The following CDC73 variants were observed in gnomAD, a reference collection of about 807,000 sequenced individuals.
The protein encoded by CDC73 is parafibromin.
CDC73 carries 21 observed loss-of-function variants against 83.7 expected under a neutral mutation model. The observed-to-expected ratio is 0.25, with a 90% CI of 0.18 to 0.36. CDC73 has a LOEUF of 0.36. Ranked by LOEUF, CDC73 falls within the 10% of genes least tolerant of loss-of-function variation. The probability of loss-of-function intolerance (pLI) is 1.00; values close to 1 mark genes in which losing one functional copy is unlikely to be tolerated. For synonymous variants in CDC73, 224 were observed against 212.9 expected (o/e 1.05, Z -0.45); for missense variants, 342 against 653.3 (o/e 0.52, Z 5.19).
intron 3 of CDC73, among the ~76,000 whole-genome samples, chr1:193,134,250 T>C (rs1675747607): frequency 6.6e-6 from 1 of 152,104 alleles, no homozygotes; most frequent in Non-Finnish European, 1.5e-5. Context: ...TGTGACTTTA[T>C]ATTAATATAT....
chr1:193,178,649 G>A (rs1676653693), intron 10 of CDC73, among the ~76,000 whole-genome samples: 2 of 152,226 alleles, frequency 1.3e-5, no homozygotes, highest in East Asian at 3.9e-4. Context: ...AGTAATTCTG[G>A]TATTTCTGTA....
At chr1:193,191,308 A>G (rs1676914049) in intron 10 of CDC73, among the ~76,000 whole-genome samples, 1 of 152,230 alleles carries the variant, frequency 6.6e-6, no homozygotes, top group Non-Finnish European at 1.5e-5. Flanking sequence ...ATGTATAGGT[A>G]TTAGCATCTG....
At chr1:193,180,265 A>C (rs372729200) in intron 10 of CDC73, 16 of 1,521,948 alleles carry the variant, frequency 1.1e-5, no homozygotes, top group Non-Finnish European at 1.4e-5. Flanking sequence ...ATATTTACAA[A>C]TTGCACATTT....
At chr1:193,151,199 A>G (rs187234560) in intron 9 of CDC73, among the ~76,000 whole-genome samples, 6 of 152,352 alleles carry the variant, frequency 3.9e-5, no homozygotes, top group Admixed American at 6.5e-5. Context: ...CTGGAAGTTA[A>G]TGATATTTTT....
intron 3 of CDC73, among the ~76,000 whole-genome samples, chr1:193,132,626 T>G (rs1675715558): frequency 6.6e-6 from 1 of 152,014 alleles, no homozygotes; most frequent in Admixed American, 6.5e-5. Flanking sequence ...TTTTTTTTTT[T>G]TAATCAAAGC....
intron 5 of CDC73, chr1:193,136,448 GCT>G: frequency 3.9e-6 from 1 of 257,762 alleles, no homozygotes; most frequent in Non-Finnish European, 8.9e-6. Context: ...CATTGTTATT[GCT>G]CTATGCTATG....
chr1:193,254,354 C>T lies in CDC73; in HGVS notation c.*3642C>T, dbSNP rs1034946952. On this transcript the variant is annotated 3_prime_UTR_variant, in exon 17 of 17. Coordinates refer to ENST00000367435, the MANE Select transcript of CDC73 (RefSeq NM_024529.5). ...CAACATGAAAATTTAATTACATTAG[C>T]CTTAATATTACTTGACTGAATTTCT... Among the ~76,000 whole-genome samples, 2 of 151,938 alleles carry T rather than the reference C, an allele frequency of 1.3e-5. No individual in the cohort carries two copies. The highest frequency in any genetic ancestry group is 1.3e-4 in the Admixed American group (2 of 15,258).
intron 13 of CDC73, among the ~76,000 whole-genome samples, chr1:193,224,203 A>G (rs1677521071): frequency 6.6e-6 from 1 of 151,068 alleles, no homozygotes; most frequent in Non-Finnish European, 1.5e-5. Context: ...CATGAGATTT[A>G]CTGTTTACTT....
chr1:193,252,728 A>G lies in CDC73; in HGVS notation c.*2016A>G, dbSNP rs1417465088. ...AGGTCCATGTAATTAATTTCATTCC[A>G]TTATTTTTTAGCTGTTTATTCTAAA... On this transcript the variant is annotated 3_prime_UTR_variant, in exon 17 of 17. Transcript: ENST00000367435. 1.7e-5 allele frequency: 4 copies of G among 231,470 alleles called. No homozygotes were observed. The highest frequency in any genetic ancestry group is 3.4e-5 in the Non-Finnish European group (4 of 117,018). The allele number at this position is 231,470 out of a possible 1,614,324, so 14.3% of individuals were successfully genotyped here. A position where few individuals can be genotyped will look rare whatever the true frequency, so the allele number is the denominator to read the frequency against.
chr1:193,140,238 A>G lies in CDC73; in HGVS notation c.513-1612A>G, dbSNP rs559044519. On this transcript the variant is annotated intron_variant, in intron 6 of 16. Transcript: ENST00000367435. ...TGTCCTTCATTGCTTGATATCTAGC[A>G]TCTAGTAAACCATTGTTTTATGTAT... Among the ~76,000 whole-genome samples, 5 of 152,228 alleles carry G rather than the reference A, an allele frequency of 3.3e-5. No homozygotes were observed. The East Asian group carries it at 9.6e-4, about 29-fold the overall frequency.
intron 13 of CDC73, among the ~76,000 whole-genome samples, chr1:193,216,745 C>A (rs1344081846): frequency 1.3e-5 from 2 of 152,102 alleles, no homozygotes; most frequent in Non-Finnish European, 2.9e-5. Flanking sequence ...AACTAAAACA[C>A]CCTCATCAAA....
In CDC73 at chr1:193,215,226, T is replaced by C. The variant is rs1572204122; in HGVS notation, c.1154+2749T>C. Among the ~76,000 whole-genome samples, 3 of 152,360 alleles carry C rather than the reference T, an allele frequency of 2.0e-5. No homozygotes were observed. The South Asian group carries it at 6.2e-4, about 32-fold the overall frequency. ...TAGCTTCTCTCAAATTATGTGCTGT[T>C]AGTGAGAATGTATATAATAGTGATT... On this transcript the variant is annotated intron_variant, in intron 13 of 16. Transcript: ENST00000367435.
chr1:193,217,051 C>G (rs1677380247), intron 13 of CDC73, among the ~76,000 whole-genome samples: 1 of 152,156 alleles, frequency 6.6e-6, no homozygotes, highest in African/African-American at 2.4e-5. Context: ...TCCACTCTCA[C>G]CACCCCTATT....
chr1:193,137,875 A>T (rs1336912352), intron 5 of CDC73, among the ~76,000 whole-genome samples: 1 of 152,234 alleles, frequency 6.6e-6, no homozygotes, highest in African/African-American at 2.4e-5. Context: ...GTTTTTCCTA[A>T]GCTTTTCGAT....
intron 1 of CDC73, among the ~76,000 whole-genome samples, chr1:193,123,536 GT>G (rs1322492631): frequency 6.6e-6 from 1 of 152,132 alleles, no homozygotes; most frequent in Non-Finnish European, 1.5e-5. Context: ...CTATTGGTTG[GT>G]TTTAAAATTT....
intron 6 of CDC73, among the ~76,000 whole-genome samples, chr1:193,139,468 C>T (rs1675864109): frequency 6.6e-6 from 1 of 152,070 alleles, no homozygotes; most frequent in Non-Finnish European, 1.5e-5. Context: ...AAAAAACATA[C>T]CTACTTCATC....
intron 10 of CDC73, among the ~76,000 whole-genome samples, chr1:193,162,388 A>G (rs949014244): frequency 7.0e-6 from 1 of 143,514 alleles, no homozygotes; most frequent in East Asian, 2.0e-4. Context: ...ATATACACAT[A>G]TGAAGACAGA....
At position 193,135,615 on chromosome 1, in the gene CDC73, T is replaced by C. The variant is rs774763324; in HGVS notation, c.423+26T>C. ...GTAAAGAAACTGTATTTTAAACAAT[T>C]TTATTTATATTGTTATTGAAATTGG... On this transcript the variant is annotated intron_variant, in intron 5 of 16. Transcript: ENST00000367435. 21 of 1,506,552 alleles carry C rather than the reference T, an allele frequency of 1.4e-5. No homozygotes were observed. The Admixed American group carries it at 1.7e-4, about 12-fold the overall frequency. The allele number at this position is 1,506,552 out of a possible 1,614,324, so 93.3% of individuals were successfully genotyped here.
chr1:193,152,528 A>G (rs1296976471), intron 10 of CDC73, 84 bp downstream of exon 10: 9 of 891,888 alleles, frequency 1.0e-5, no homozygotes, highest in Non-Finnish European at 1.7e-5. Context: ...TTAGTCTCTC[A>G]TATTTTTTAT....
Sources: allele counts gnomAD v4.1 joint callset (sites outside exome capture counted in the v4.1 genomes callset), GRCh38; gene constraint gnomAD v4.1.1; transcripts MANE v1.5; gene names NCBI Gene and HGNC (gene_info 2026-07-23, HGNC 2026-07-21).